PRPF31: variants seen among roughly 807,000 people sequenced by gnomAD.
The protein encoded by PRPF31 is pre-mRNA processing factor 31, also known as U4/U6 small nuclear ribonucleoprotein Prp31.
A neutral mutation model predicts 60.4 loss-of-function variants in PRPF31; 12 were observed. The observed-to-expected ratio is 0.20, with a 90% confidence interval of 0.13 to 0.32. PRPF31 has a LOEUF of 0.32. Ranked by LOEUF, PRPF31 falls within the 10% of genes least tolerant of loss-of-function variation. The pLI, the probability that PRPF31 is intolerant of heterozygous loss-of-function variation, is 1.00. For synonymous variants in PRPF31, 287 were observed against 287.9 expected (o/e 1.00, Z 0.03); for missense variants, 431 against 687.1 (o/e 0.63, Z 4.17).
chr19:54,129,042 T>C lies in PRPF31; in HGVS notation c.1147-15T>C, dbSNP rs750679877. ...CCTGGTCGCTGAACTGCAGGGCGCC[T>C]CCTCTCCCCCCTAGATCGAGGAGGA... On this transcript the variant is annotated splice_polypyrimidine_tract_variant and intron_variant, in intron 11 of 13. Coordinates refer to ENST00000321030, the MANE Select transcript of PRPF31 (RefSeq NM_015629.4). 1.2e-5 allele frequency: 19 copies of C among 1,564,516 alleles called. No homozygotes were observed. In the Admixed American group the frequency reaches 3.7e-4, roughly 30 times the overall value.
chr19:54,131,039 G>A (rs183044913), intron 13 of PRPF31, among the ~76,000 whole-genome samples: 213 of 152,294 alleles, frequency 1.4e-3, no homozygotes, highest in Non-Finnish European at 2.6e-3. Flanking sequence ...CAGAAACTGG[G>A]CAGGATTGGC....
At position 54,121,872 on chromosome 19, in the gene PRPF31, T is replaced by C. The variant is rs369049017; in HGVS notation, c.251T>C (p.Val84Ala). Residue 84 changes from valine (V) to alanine (A), a missense_variant, in exon 4 of 14, where the codon GTG (valine) becomes GCG (alanine). By Grantham distance (64) the Val-to-Ala change is moderately conservative (BLOSUM62 0). Coordinates refer to ENST00000321030, the MANE Select transcript of PRPF31 (RefSeq NM_015629.4). Reference sequence around the variant, plus strand: ...CGTGTCCTCACAGTGATGGGACCAGTGGAGGCCGCGCCTGAATACCGCGTC... The same window carrying C: ...CGTGTCCTCACAGTGATGGGACCAGCGGAGGCCGCGCCTGAATACCGCGTC... ...QAKASEVMGPVEAAPEYRVIV... is the reference protein window; with the variant it reads ...QAKASEVMGPAEAAPEYRVIV... The C allele has an allele frequency of 8.6e-5, 138 of 1,611,604 alleles. No homozygotes were observed. The highest frequency in any genetic ancestry group is 2.9e-4 in the East Asian group (13 of 44,806).
rs1295703166 is a variant in PRPF31 at position 54,126,633 on chromosome 19, T to TGAG, written c.945+18_945+20dup. 6 of 1,610,520 alleles carry TGAG rather than the reference T, an allele frequency of 3.7e-6. No homozygotes were observed. Among genetic ancestry groups the TGAG allele is most frequent in the Non-Finnish European group, 5.1e-6 (6 of 1,178,288 alleles). ...AGAAGGGAAGGTGAGGAGGGAAAGG[T>TGAG]GAGGGGCGGCCGGGCGTCTTTTCCT... On this transcript the variant is annotated intron_variant, in intron 9 of 13. Coordinates refer to ENST00000321030, the MANE Select transcript of PRPF31 (RefSeq NM_015629.4).
chr19:54,130,292 G>A (rs587680033), intron 13 of PRPF31, among the ~76,000 whole-genome samples: 9 of 151,472 alleles, frequency 5.9e-5, no homozygotes, highest in South Asian at 2.1e-4. Context: ...ATGCCAGGCC[G>A]GGCGCAGACA....
At position 54,121,868 on chromosome 19, in the gene PRPF31, C is replaced by G. The variant is rs747554145; in HGVS notation, c.247C>G (p.Pro83Ala). The change falls in exon 4 of 14, where the codon CCA (proline) becomes GCA (alanine). Residue 83 changes from proline to alanine, a missense_variant. By Grantham distance (27) the Pro-to-Ala change is conservative (BLOSUM62 -1). This residue lies in a region of PRPF31 where 113 missense variants were observed against 173.8 expected (regional missense o/e 0.65). Transcript: ENST00000321030. Reference protein sequence around the residue: ...KQAKASEVMGPVEAAPEYRVI... With the variant: ...KQAKASEVMGAVEAAPEYRVI... ...CCTCCGTGTCCTCACAGTGATGGGA[C>G]CAGTGGAGGCCGCGCCTGAATACCG... 21 of 1,611,384 alleles carry G rather than the reference C, an allele frequency of 1.3e-5. No individual in the cohort carries two copies. Among genetic ancestry groups the G allele is most frequent in the Non-Finnish European group, 1.7e-5 (20 of 1,178,916 alleles).
At position 54,124,615 on chromosome 19, in the gene PRPF31, G is replaced by A. The variant is rs1397526189; in HGVS notation, c.814G>A (p.Gly272Ser). ...FSSTSVLPHT[G>S]YIYHSDIVQS... ...GTCTACCTCAGTGCTGCCCCACACC[G>A]GCTACATCTACCACAGTGACATCGT... Residue 272 changes from glycine to serine, a missense_variant, in exon 8 of 14, where the codon GGC becomes AGC. Gly to Ser is a moderately conservative substitution (Grantham distance 56). Transcript: ENST00000321030. 10 of 1,613,404 alleles carry A rather than the reference G, an allele frequency of 6.2e-6. No homozygotes were observed. The highest frequency in any genetic ancestry group is 8.5e-6 in the Non-Finnish European group (10 of 1,180,032).
chr19:54,121,941 TGA>T lies in PRPF31; in HGVS notation c.322_322+1del. 1 of 1,611,384 alleles carries T rather than the reference TGA, an allele frequency of 6.2e-7. No homozygotes were observed. The highest frequency in any genetic ancestry group is 8.5e-7 in the Non-Finnish European group (1 of 1,178,956). ...CTGACCGTGGAGATCGAAAACGAGC[TGA>T]GTGAGTGCTGGGGGGCAGGCGGAGA... On this transcript the variant is annotated frameshift_variant and splice_region_variant, in exon 4 of 14. Coordinates refer to ENST00000321030, the MANE Select transcript of PRPF31 (RefSeq NM_015629.4). LOFTEE classifies it high-confidence loss of function.
chr19:54,124,037 C>T, intron 7 of PRPF31, 119 bp downstream of exon 7: 1 of 1,529,728 alleles, frequency 6.5e-7, no homozygotes, highest in Non-Finnish European at 8.8e-7. Context: ...ACCCCGTCTC[C>T]CTGGACATCA....
At position 54,122,109 on chromosome 19, in the gene PRPF31, C is replaced by A. The variant is rs1477934337; in HGVS notation, c.322+166C>A. The A allele has an allele frequency of 9.1e-6, 7 of 773,462 alleles. No individual in the cohort carries two copies. The African/African-American group carries it at 1.0e-4, about 11-fold the overall frequency. 47.9% of individuals were successfully genotyped at this position (773,462 alleles called of 1,614,324 possible). ...AATAAGAAGGAAGTGCGTTCTCTCG[C>A]GTATGAGTCTGAGGAGCACTCGGGG... On this transcript the variant is annotated intron_variant, in intron 4 of 13. Coordinates refer to ENST00000321030, the MANE Select transcript of PRPF31 (RefSeq NM_015629.4).
At chr19:54,130,363 C>T (rs1039671417) in intron 13 of PRPF31, among the ~76,000 whole-genome samples, 4 of 152,170 alleles carry the variant, frequency 2.6e-5, no homozygotes, top group Admixed American at 6.5e-5. Flanking sequence ...CGGTGGCTCA[C>T]GCCTGTAATC....
rs1246145245 is a variant in PRPF31 at position 54,124,527 on chromosome 19, C to T, written c.726C>T (p.Ser242=). The T allele has an allele frequency of 6.2e-7, 1 of 1,610,552 alleles. No individual in the cohort carries two copies. Among genetic ancestry groups the T allele is most frequent in the African/African-American group, 1.3e-5 (1 of 74,922 alleles). ...MGVAGGLTNL[S]KMPACNIMLL... Reference sequence around the variant, plus strand: ...TGGCCGGCGGCCTGACCAACCTCTCCAAGATGCCCGCCTGCAACATCATGC... The same window carrying T: ...TGGCCGGCGGCCTGACCAACCTCTCTAAGATGCCCGCCTGCAACATCATGC... The change falls in exon 8 of 14, where the codon TCC becomes TCT. Residue 242 remains serine (S), a synonymous_variant. Transcript: ENST00000321030.
intron 3 of PRPF31, 22 bp downstream of exon 3, chr19:54,118,655 C>T (rs1396674760): frequency 1.9e-6 from 3 of 1,612,610 alleles, no homozygotes; most frequent in East Asian, 4.5e-5. Context: ...CACTCTGTGC[C>T]CCTCCCCATC....
intron 3 of PRPF31, among the ~76,000 whole-genome samples, chr19:54,121,549 G>A (rs1185896554): frequency 2.0e-5 from 3 of 152,160 alleles, no homozygotes; most frequent in African/African-American, 4.8e-5. Flanking sequence ...CAGAGCTTCC[G>A]GAGTTGGGGA....
rs75624187 is a variant in PRPF31 at position 54,131,604 on chromosome 19, C to T, written c.*172C>T. The T allele has an allele frequency of 9.9e-5, 93 of 937,044 alleles. No homozygotes were observed. In the Middle Eastern group the frequency reaches 1.2e-3, roughly 12 times the overall value. 58.0% of individuals were successfully genotyped at this position (937,044 alleles called of 1,614,324 possible). A position where few individuals can be genotyped will look rare whatever the true frequency, so the allele number is the denominator to read the frequency against. On this transcript the variant is annotated 3_prime_UTR_variant, in exon 14 of 14. Coordinates refer to ENST00000321030, the MANE Select transcript of PRPF31 (RefSeq NM_015629.4). Reference sequence around the variant, plus strand: ...AGTCCGGCCTGGCCTCCCCCAGGACCGAGATCACCGCCCAGTATGGGCTAG... The same window carrying T: ...AGTCCGGCCTGGCCTCCCCCAGGACTGAGATCACCGCCCAGTATGGGCTAG...
At position 54,129,188 on chromosome 19, in the gene PRPF31, A is replaced by G; in HGVS notation, c.1275+3A>G. ...CCAGGATCTCCAAGACGCTGCAGGT[A>G]TGGGCCAGACCCAGGTGGGGCTGGG... On this transcript the variant is annotated splice_donor_region_variant and intron_variant, in intron 12 of 13. Transcript: ENST00000321030. The G allele has an allele frequency of 1.3e-6, 2 of 1,591,060 alleles. No homozygotes were observed. Among genetic ancestry groups the G allele is most frequent in the Non-Finnish European group, 1.7e-6 (2 of 1,169,180 alleles).
rs2073842340 is a variant in PRPF31, at chr19:54,123,471, G to A, written c.438G>A (p.Leu146=). 1 of 1,614,126 alleles carries A rather than the reference G, an allele frequency of 6.2e-7. No homozygotes were observed. Among genetic ancestry groups the A allele is most frequent in the Non-Finnish European group, 8.5e-7 (1 of 1,179,982 alleles). ...IRTVKELGNS[L]DKCKNNENLQ... ...GCCCCCAGGAGCTGGGCAACAGCCT[G>A]GACAAGTGCAAGAACAATGAGAACC... The change falls in exon 6 of 14, where the codon CTG becomes CTA. Residue 146 remains leucine, a synonymous_variant. Transcript: ENST00000321030.
At chr19:54,123,360 C>T (rs1463862361) in intron 5 of PRPF31, 94 bp from the exon 6 acceptor site, 1 of 935,514 alleles carries the variant, frequency 1.1e-6, no homozygotes, top group African/African-American at 1.6e-5. Flanking sequence ...GTCCCAGTGT[C>T]CCTAAGAAGA....
intron 11 of PRPF31, among the ~76,000 whole-genome samples, chr19:54,128,600 G>A (rs753418391): frequency 2.0e-5 from 3 of 148,738 alleles, no homozygotes; most frequent in East Asian, 2.0e-4. Context: ...GAGCCCCCGC[G>A]GCTTCCCATC....
At chr19:54,117,568 G>A (rs750253837) in intron 1 of PRPF31, among the ~76,000 whole-genome samples, 2 of 151,910 alleles carry the variant, frequency 1.3e-5, no homozygotes, top group Admixed American at 6.6e-5. Context: ...CCCCTGCGGC[G>A]AGGCGCGGTG....
Sources: allele counts gnomAD v4.1 joint callset (sites outside exome capture counted in the v4.1 genomes callset), GRCh38; gene constraint gnomAD v4.1.1; regional missense constraint gnomAD v4.1.1; transcripts MANE v1.5; gene names NCBI Gene and HGNC (gene_info 2026-07-23, HGNC 2026-07-21).